Variants in HIVEP3 observed in about 807,000 individuals in gnomAD.
The protein encoded by HIVEP3 is transcription factor HIVEP3.
In HIVEP3, 49 loss-of-function variants were observed where a neutral mutation model predicts 152.8. That is an observed-to-expected ratio of 0.32 (90% CI 0.26 to 0.41). The LOEUF (loss-of-function observed/expected upper bound fraction) is 0.41, where lower values mean the gene tolerates loss of function less well. Among genes scored for constraint, HIVEP3 ranks in the 10% least tolerant of loss-of-function variants. The probability of loss-of-function intolerance (pLI) is 1.00; values close to 1 mark genes in which losing one functional copy is unlikely to be tolerated. For synonymous variants in HIVEP3, 1,269 were observed against 1,289.0 expected (o/e 0.98, Z 0.33); for missense variants, 2,790 against 3,103.3 (o/e 0.90, Z 2.40).
intron 1 of HIVEP3, among the ~76,000 whole-genome samples, chr1:41,935,638 G>A (rs1193189699): frequency 6.6e-6 from 1 of 151,020 alleles, no homozygotes; most frequent in Non-Finnish European, 1.5e-5. Context: ...ACATATATAT[G>A]TATGTAAATA....
At position 41,569,020 on chromosome 1, in the gene HIVEP3, G is replaced by A. The variant is rs527970826; in HGVS notation, c.5207+6524C>T. On this transcript the variant is annotated intron_variant, in intron 5 of 8. Transcript: ENST00000372583. Reference sequence around the variant, plus strand: ...AAAACTTGTGTGACACATCCCTCCCGCTCTTGCTCCTGCTCCAGCCATGTA... The same window carrying A: ...AAAACTTGTGTGACACATCCCTCCCACTCTTGCTCCTGCTCCAGCCATGTA... 6.6e-5 allele frequency among the ~76,000 whole-genome samples: 10 copies of A among 152,168 alleles called. No homozygotes were observed. The South Asian group carries it at 1.2e-3, about 19-fold the overall frequency.
intron 1 of HIVEP3, among the ~76,000 whole-genome samples, chr1:41,788,083 C>T (rs1023845191): frequency 7.9e-5 from 12 of 152,182 alleles, no homozygotes; most frequent in African/African-American, 2.9e-4. Flanking sequence ...TACCCAGCCT[C>T]CCACCTCTGT....
At chr1:41,860,458 A>G (rs1643873314) in intron 1 of HIVEP3, among the ~76,000 whole-genome samples, 1 of 152,182 alleles carries the variant, frequency 6.6e-6, no homozygotes, top group Non-Finnish European at 1.5e-5. Flanking sequence ...ACACCCTCCT[A>G]ACCCCACTCC....
intron 5 of HIVEP3, among the ~76,000 whole-genome samples, chr1:41,557,400 T>G (rs1447336480): frequency 6.6e-6 from 1 of 150,868 alleles, no homozygotes; most frequent in Admixed American, 6.6e-5. Context: ...GATGGAGGGG[T>G]GGGTATGGGT....
intron 3 of HIVEP3, among the ~76,000 whole-genome samples, chr1:41,623,285 C>T (rs1285467975): frequency 2.0e-5 from 3 of 152,188 alleles, no homozygotes; most frequent in Non-Finnish European, 4.4e-5. Flanking sequence ...CCGTTTTGCT[C>T]CCATCTGTCC....
At chr1:41,903,904 CTTTT>C (rs377698322) in intron 1 of HIVEP3, among the ~76,000 whole-genome samples, 1 of 140,246 alleles carries the variant, frequency 7.1e-6, no homozygotes, top group Admixed American at 7.1e-5. Flanking sequence ...CTTTTTTTTT[CTTTT>C]TTTTTTTTTT....
chr1:41,933,138 G>C (rs1310449461), intron 1 of HIVEP3, among the ~76,000 whole-genome samples: 1 of 152,020 alleles, frequency 6.6e-6, no homozygotes, highest in Admixed American at 6.6e-5. Context: ...AGAAAGAAGT[G>C]TTGTCATGTA....
chr1:41,840,803 T>C (rs1643265047), intron 1 of HIVEP3, among the ~76,000 whole-genome samples: 1 of 152,308 alleles, frequency 6.6e-6, no homozygotes, highest in Admixed American at 6.5e-5. Context: ...AGGCCAGGCA[T>C]GCTGGGCTGG....
intron 1 of HIVEP3, among the ~76,000 whole-genome samples, chr1:41,870,952 T>A (rs1160360641): frequency 1.3e-5 from 2 of 152,226 alleles, no homozygotes; most frequent in Admixed American, 6.5e-5. Context: ...CTTCAGATAA[T>A]TTCATTAACA....
intron 2 of HIVEP3, among the ~76,000 whole-genome samples, chr1:41,676,897 T>C (rs1645965655): frequency 6.6e-6 from 1 of 152,172 alleles, no homozygotes; most frequent in Non-Finnish European, 1.5e-5. Flanking sequence ...GAAAGTCCAC[T>C]TTTCATTCTG....
At chr1:41,740,423 G>A (rs1646980317) in intron 1 of HIVEP3, among the ~76,000 whole-genome samples, 1 of 152,194 alleles carries the variant, frequency 6.6e-6, no homozygotes. Flanking sequence ...GGTGTGATTG[G>A]GCGAGGAGGG....
intron 1 of HIVEP3, among the ~76,000 whole-genome samples, chr1:41,802,576 A>T (rs1229594845): frequency 6.6e-6 from 1 of 152,182 alleles, no homozygotes; most frequent in African/African-American, 2.4e-5. Flanking sequence ...GGGTGGGAAT[A>T]GGAGAGGAAT....
intron 1 of HIVEP3, among the ~76,000 whole-genome samples, chr1:41,950,653 T>C (rs1444911212): frequency 2.0e-5 from 3 of 152,224 alleles, no homozygotes; most frequent in Non-Finnish European, 4.4e-5. Flanking sequence ...CTTCTGACTT[T>C]GTTTTAAAAC....
At chr1:42,022,289 T>A (rs1348324884) in intron 1 of HIVEP3, among the ~76,000 whole-genome samples, 1 of 152,176 alleles carries the variant, frequency 6.6e-6, no homozygotes, top group Non-Finnish European at 1.5e-5. Context: ...CTGATGAGAT[T>A]GCCCTTTCCC....
intron 1 of HIVEP3, among the ~76,000 whole-genome samples, chr1:41,868,593 T>C (rs1278509380): frequency 6.6e-6 from 1 of 152,154 alleles, no homozygotes; most frequent in African/African-American, 2.4e-5. Flanking sequence ...TAGTCAATTA[T>C]CTCAGGGGAA....
intron 1 of HIVEP3, among the ~76,000 whole-genome samples, chr1:41,951,906 C>G (rs1041580147): frequency 2.6e-5 from 4 of 152,284 alleles, no homozygotes; most frequent in Non-Finnish European, 5.9e-5. Flanking sequence ...GGTGGGGACA[C>G]AGCCAAACCA....
Position 41,510,677 on chromosome 1 carries a change from A to G in HIVEP3, c.6995T>C (p.Leu2332Ser). The G allele has an allele frequency of 6.6e-7, 1 of 1,523,098 alleles. No homozygotes were observed. The allele number at this position is 1,523,098 out of a possible 1,614,324, so 94.3% of individuals were successfully genotyped here. A position where few individuals can be genotyped will look rare whatever the true frequency, so the allele number is the denominator to read the frequency against. The part of the protein sequence containing the change: ...RRAAQSWSPR[L>S]ESPRAPTNPE... Reference sequence around the variant, plus strand: ...GTTGGTCGGTGCACGCGGGGACTCCAAGCGGGGGCTCCAGGACTGCGCTGC... The same window carrying G: ...GTTGGTCGGTGCACGCGGGGACTCCGAGCGGGGGCTCCAGGACTGCGCTGC... The change falls in exon 9 of 9, where the codon TTG becomes TCG. Residue 2332 changes from leucine (L) to serine (S), a missense_variant. Leu to Ser is a moderately radical substitution (Grantham distance 145). Transcript: ENST00000372583.
Position 41,854,481 on chromosome 1 carries a change from C to G in HIVEP3, c.-801+63932G>C, listed in dbSNP as rs561414364. On this transcript the variant is annotated intron_variant, in intron 1 of 8. Coordinates refer to ENST00000372583, the MANE Select transcript of HIVEP3 (RefSeq NM_024503.5). ...CATGCCGATCCCTGTGTCTGGAGCA[C>G]TGCTCAGGGCTCCCTCTTGGCATAT... Among the ~76,000 whole-genome samples, 4 of 150,642 alleles carry G rather than the reference C, an allele frequency of 2.7e-5. No individual in the cohort carries two copies. The East Asian group carries it at 7.8e-4, about 29-fold the overall frequency.
chr1:41,727,724 A>G (rs1646778683), intron 1 of HIVEP3, among the ~76,000 whole-genome samples: 1 of 152,228 alleles, frequency 6.6e-6, no homozygotes, highest in African/African-American at 2.4e-5. Flanking sequence ...TTTGGCAAGC[A>G]TGGCCTCATC....
Sources: allele counts gnomAD v4.1 joint callset (sites outside exome capture counted in the v4.1 genomes callset), GRCh38; gene constraint gnomAD v4.1.1; transcripts MANE v1.5; gene names NCBI Gene and HGNC (gene_info 2026-07-23, HGNC 2026-07-21).